SMAP2: variants seen among roughly 807,000 people sequenced by gnomAD.
SMAP2 encodes the protein stromal membrane-associated protein 2.
In SMAP2, 25 loss-of-function variants were observed where a neutral mutation model predicts 56.4. The observed-to-expected ratio is 0.44, with a 90% confidence interval of 0.32 to 0.62. The LOEUF (loss-of-function observed/expected upper bound fraction) is 0.62. SMAP2 is among the 20% of genes least tolerant of loss of function. The pLI, the probability that SMAP2 is intolerant of heterozygous loss-of-function variation, is 0.04. For missense variants in SMAP2, 388 were observed against 545.6 expected (o/e 0.71, Z 2.88); for synonymous variants, 157 against 181.7 (o/e 0.86, Z 1.09).
At chr1:40,414,108 A>G (rs74882747) in intron 5 of SMAP2, 51 bp from the exon 6 acceptor site, 36,223 of 1,553,254 alleles carry the variant, frequency 0.023, 521 homozygotes, top group Middle Eastern at 0.038. Context: ...AGATGGGAAA[A>G]GAGTTCAAAA....
At chr1:40,395,864 TTTAAG>T (rs1403939558) in intron 1 of SMAP2, among the ~76,000 whole-genome samples, 1 of 152,218 alleles carries the variant, frequency 6.6e-6, no homozygotes, top group African/African-American at 2.4e-5. Context: ...GAAAAGCCAT[TTTAAG>T]TTAACTGCTG....
At chr1:40,412,585 G>A (rs1329050184) in intron 4 of SMAP2, among the ~76,000 whole-genome samples, 4 of 152,016 alleles carry the variant, frequency 2.6e-5, no homozygotes, top group Admixed American at 2.6e-4. Context: ...ATATTGAGAG[G>A]ACCTATGATT....
chr1:40,353,071 C>T (rs1049310680), intron 1 of SMAP2, among the ~76,000 whole-genome samples: 6 of 152,234 alleles, frequency 3.9e-5, no homozygotes, highest in African/African-American at 4.8e-5. Flanking sequence ...CAGCACCCAT[C>T]TCTCTTGCTG....
chr1:40,356,497 G>T (rs553900056), intron 1 of SMAP2, among the ~76,000 whole-genome samples: 1 of 149,496 alleles, frequency 6.7e-6, no homozygotes, highest in South Asian at 2.1e-4. Flanking sequence ...TGCAAGCTCT[G>T]CCTCCCGGGT....
At chr1:40,393,260 A>T (rs1644734688) in intron 1 of SMAP2, 1 of 1,420,992 alleles carries the variant, frequency 7.0e-7, no homozygotes, top group Non-Finnish European at 9.3e-7. Context: ...TAGGAGATTG[A>T]GGCTGCACTG....
intron 9 of SMAP2, among the ~76,000 whole-genome samples, chr1:40,421,617 C>G (rs529297700): frequency 2.6e-5 from 4 of 152,114 alleles, no homozygotes; most frequent in Non-Finnish European, 5.9e-5. Context: ...GCTTTCCTTT[C>G]AGCTTTTAGG....
At chr1:40,403,850 G>A in intron 1 of SMAP2, 1 of 165,372 alleles carries the variant, frequency 6.0e-6, no homozygotes, top group African/African-American at 2.4e-5. Flanking sequence ...TGTAATCCCA[G>A]TGCTTTGGGA....
chr1:40,345,380 G>A (rs1260601648), intron 1 of SMAP2, among the ~76,000 whole-genome samples: 1 of 148,936 alleles, frequency 6.7e-6, no homozygotes, highest in Admixed American at 6.6e-5. Flanking sequence ...GCAAGACCCT[G>A]TCTCTAAGGA....
At chr1:40,346,425 A>G (rs1644386248) in intron 1 of SMAP2, among the ~76,000 whole-genome samples, 1 of 151,830 alleles carries the variant, frequency 6.6e-6, no homozygotes, top group Admixed American at 6.6e-5. Flanking sequence ...ACTGGAGTGC[A>G]GTGGCATGAT....
intron 1 of SMAP2, among the ~76,000 whole-genome samples, chr1:40,356,472 G>A (rs1167180132): frequency 1.3e-5 from 2 of 149,896 alleles, no homozygotes; most frequent in African/African-American, 4.9e-5. Flanking sequence ...GTGCAGTGGC[G>A]TGATCTCAGC....
In SMAP2 at chr1:40,422,648, C is replaced by A. The variant is rs1423104799; in HGVS notation, c.*547C>A. 1 of 153,682 alleles carries A rather than the reference C, an allele frequency of 6.5e-6. No homozygotes were observed. The highest frequency in any genetic ancestry group is 1.5e-5 in the Non-Finnish European group (1 of 68,952). The allele number at this position is 153,682 out of a possible 1,614,324, so 9.5% of individuals were successfully genotyped here. A position where few individuals can be genotyped will look rare whatever the true frequency, so the allele number is the denominator to read the frequency against. On this transcript the variant is annotated 3_prime_UTR_variant, in exon 10 of 10. Coordinates refer to ENST00000372718, the MANE Select transcript of SMAP2 (RefSeq NM_022733.3). ...ACCCTAGCCCTGGGGTGAGGCAAGC[C>A]CCCTCCTATGAGGATGAGCAAAAAT... is the stretch of plus-strand genomic sequence containing the variant.
intron 1 of SMAP2, among the ~76,000 whole-genome samples, chr1:40,348,443 C>T (rs1006060792): frequency 6.6e-6 from 1 of 152,138 alleles, no homozygotes; most frequent in African/African-American, 2.4e-5. Context: ...GCCTGTAATC[C>T]TAGCACTTTG....
At chr1:40,382,909 T>C (rs544036798) in intron 1 of SMAP2, among the ~76,000 whole-genome samples, 1 of 152,276 alleles carries the variant, frequency 6.6e-6, no homozygotes, top group South Asian at 2.1e-4. Context: ...TTTTGTTTCA[T>C]ATTAGAAGAG....
chr1:40,359,156 G>A (rs1458380147), intron 1 of SMAP2, among the ~76,000 whole-genome samples: 2 of 152,154 alleles, frequency 1.3e-5, no homozygotes, highest in Non-Finnish European at 2.9e-5. Flanking sequence ...AGGTTGGAGT[G>A]CAGTGGCACA....
intron 1 of SMAP2, among the ~76,000 whole-genome samples, chr1:40,351,360 G>T (rs1557820394): frequency 1.3e-5 from 2 of 152,312 alleles, no homozygotes; most frequent in Admixed American, 6.5e-5. Context: ...CAAGAAGATA[G>T]AATCTCAGCT....
Position 40,409,815 on chromosome 1 carries a change from C to G in SMAP2, c.382C>G (p.Leu128Val). The G allele has an allele frequency of 6.2e-7, 1 of 1,611,916 alleles. No homozygotes were observed. The highest frequency in any genetic ancestry group is 8.5e-7 in the Non-Finnish European group (1 of 1,177,980). ...GAAGAAGAAATACATGGACCGAAGT[C>G]TGGACATCAATGCCTTTAGGGTTGG... ...YEKKKYMDRS[L>V]DINAFRKEKD... is the part of the protein sequence containing the mutation. Residue 128 changes from leucine (L) to valine (V), a missense_variant, in exon 4 of 10, where the codon CTG (leucine) becomes GTG (valine). Leu to Val is a conservative substitution (Grantham distance 32). Transcript: ENST00000372718.
At chr1:40,404,997 G>A (rs1644872503) in intron 1 of SMAP2, among the ~76,000 whole-genome samples, 1 of 152,208 alleles carries the variant, frequency 6.6e-6, no homozygotes, top group South Asian at 2.1e-4. Flanking sequence ...AAGGTATTGG[G>A]ATAAAATTTC....
At chr1:40,346,645 C>T (rs2124148865) in intron 1 of SMAP2, among the ~76,000 whole-genome samples, 1 of 152,026 alleles carries the variant, frequency 6.6e-6, no homozygotes, top group Admixed American at 6.6e-5. Context: ...GCTGGGATTA[C>T]AGGCATGAGC....
chr1:40,404,049 G>T (rs1483460730), intron 1 of SMAP2, among the ~76,000 whole-genome samples: 1 of 152,208 alleles, frequency 6.6e-6, no homozygotes, highest in Non-Finnish European at 1.5e-5. Flanking sequence ...AGTGAACCAT[G>T]ATCTTGCCTC....
Sources: gnomAD v4.1 joint callset for allele counts (sites outside exome capture counted in the v4.1 genomes callset) on GRCh38, gnomAD v4.1.1 for gene constraint, MANE v1.5 for transcripts, NCBI Gene and HGNC (gene_info 2026-07-23, HGNC 2026-07-21) for gene names.